The following TUSC3 variants were observed in gnomAD, a reference collection of about 807,000 sequenced individuals.
The protein encoded by TUSC3 is dolichyl-diphosphooligosaccharide--protein glycosyltransferase subunit TUSC3.
Under a neutral mutation model 44.8 loss-of-function variants are expected in TUSC3, and 45 were observed. The ratio of observed to expected loss-of-function variants is 1.00; its 90% CI spans 0.79 to 1.29. The LOEUF (loss-of-function observed/expected upper bound fraction) is 1.29. Ranked by LOEUF, TUSC3 falls within the 50% of genes most tolerant of loss-of-function variation. TUSC3 has a pLI of 0.00. For synonymous variants in TUSC3, 212 were observed against 152.9 expected (o/e 1.39, Z -2.85); for missense variants, 519 against 437.9 (o/e 1.19, Z -1.65).
the TUSC3 span, among the ~76,000 whole-genome samples, chr8:15,819,497 T>G: frequency 6.6e-6 from 1 of 152,196 alleles, no homozygotes; most frequent in African/African-American, 2.4e-5. Context: ...GTTTCAGACC[T>G]CATTTTTAAC....
chr8:15,461,629 C>T (rs922694986), intron 1 of TUSC3, among the ~76,000 whole-genome samples: 3 of 151,812 alleles, frequency 2.0e-5, no homozygotes, highest in Non-Finnish European at 4.4e-5. Context: ...AGAGGGAATA[C>T]GTTCTACTTT....
chr8:15,676,538 G>C (rs1242606962), intron 6 of TUSC3, among the ~76,000 whole-genome samples: 8 of 152,064 alleles, frequency 5.3e-5, no homozygotes, highest in African/African-American at 1.9e-4. Flanking sequence ...ATCCATAAAT[G>C]CTTTGCCAAG....
chr8:15,645,766 G>A (rs1045385475), intron 2 of TUSC3, among the ~76,000 whole-genome samples: 1 of 152,012 alleles, frequency 6.6e-6, no homozygotes, highest in African/African-American at 2.4e-5. Flanking sequence ...TTGACAAACA[G>A]CATATGTTTG....
chr8:15,695,382 C>G (rs1434096239), intron 6 of TUSC3, among the ~76,000 whole-genome samples: 1 of 152,206 alleles, frequency 6.6e-6, no homozygotes, highest in Non-Finnish European at 1.5e-5. Flanking sequence ...CCATGTAAAA[C>G]ATGACTTGTT....
chr8:15,495,617 C>G (rs567256374), intron 2 of TUSC3, among the ~76,000 whole-genome samples: 3 of 152,240 alleles, frequency 2.0e-5, no homozygotes, highest in African/African-American at 7.2e-5. Flanking sequence ...ATGCACAATT[C>G]TACCCAAGAA....
chr8:15,840,298 G>A, the TUSC3 span, among the ~76,000 whole-genome samples: 1 of 152,084 alleles, frequency 6.6e-6, no homozygotes, highest in East Asian at 1.9e-4. Context: ...AATGGGTGCA[G>A]CACACCAACA....
chr8:15,565,649 T>G (rs923291321), intron 1 of TUSC3, among the ~76,000 whole-genome samples: 2 of 152,180 alleles, frequency 1.3e-5, no homozygotes, highest in Non-Finnish European at 2.9e-5. Flanking sequence ...TCCCCAGTGG[T>G]GTTTTAAGCT....
At chr8:15,480,020 A>G (rs1800637134) in intron 1 of TUSC3, among the ~76,000 whole-genome samples, 1 of 152,190 alleles carries the variant, frequency 6.6e-6, no homozygotes, top group Admixed American at 6.5e-5. Flanking sequence ...ACAAGCAGAG[A>G]GCCAAATCAT....
chr8:15,611,298 T>C (rs1252620827), intron 1 of TUSC3, among the ~76,000 whole-genome samples: 3 of 152,100 alleles, frequency 2.0e-5, no homozygotes, highest in African/African-American at 4.8e-5. Flanking sequence ...ACGATTCTCC[T>C]GCCTCAGCCT....
chr8:15,595,152 G>C (rs1804010833), intron 1 of TUSC3, among the ~76,000 whole-genome samples: 1 of 152,134 alleles, frequency 6.6e-6, no homozygotes, highest in Admixed American at 6.5e-5. Flanking sequence ...AATACGGAAA[G>C]CTGGGCTCTT....
intron 9 of TUSC3, among the ~76,000 whole-genome samples, chr8:15,755,523 C>T (rs899607611): frequency 6.6e-6 from 1 of 151,948 alleles, no homozygotes; most frequent in Non-Finnish European, 1.5e-5. Flanking sequence ...CTTAGTTGGG[C>T]TCCTGGGTCT....
In TUSC3 at chr8:15,766,545, C is replaced by G. The variant is rs147941065; in HGVS notation, c.*2389C>G. On this transcript the variant is annotated 3_prime_UTR_variant, in exon 11 of 11. Transcript: ENST00000503731. ...AAAAATCCCAATTATAAAATTCCAC[C>G]TAAAGGAGTTTCATTTTGTAATAAC... 2 of 152,014 alleles carry G rather than the reference C, an allele frequency of 1.3e-5. No homozygotes were observed. The highest frequency in any genetic ancestry group is 3.9e-4 in the East Asian group (2 of 5,190). The allele number at this position is 152,014 out of a possible 1,614,324, so 9.4% of individuals were successfully genotyped here.
At chr8:15,658,683 A>T (rs986528912) in intron 3 of TUSC3, among the ~76,000 whole-genome samples, 1 of 151,484 alleles carries the variant, frequency 6.6e-6, no homozygotes, top group Admixed American at 6.6e-5. Context: ...ATACACATAC[A>T]ATATATATAC....
At chr8:15,795,987 C>G in the TUSC3 span, among the ~76,000 whole-genome samples, 1 of 152,296 alleles carries the variant, frequency 6.6e-6, no homozygotes. Context: ...CACCACCTGA[C>G]TGCTTAGTGT....
At chr8:15,791,968 T>A in the TUSC3 span, among the ~76,000 whole-genome samples, 1 of 152,134 alleles carries the variant, frequency 6.6e-6, no homozygotes, top group East Asian at 1.9e-4. Context: ...TCTTAGTATT[T>A]AAAGGAGCGT....
chr8:15,674,064 AT>A (rs1239045941), intron 6 of TUSC3, among the ~76,000 whole-genome samples: 2 of 152,046 alleles, frequency 1.3e-5, no homozygotes, highest in Non-Finnish European at 2.9e-5. Flanking sequence ...TAAAAAATTA[AT>A]ATCTACCATA....
chr8:15,544,122 A>T (rs1801782346), intron 1 of TUSC3, among the ~76,000 whole-genome samples: 1 of 152,154 alleles, frequency 6.6e-6, no homozygotes, highest in African/African-American at 2.4e-5. Context: ...TAGTCATTAA[A>T]AACTGATTTT....
the TUSC3 span, among the ~76,000 whole-genome samples, chr8:15,788,935 T>TA: frequency 1.3e-5 from 2 of 152,162 alleles, no homozygotes; most frequent in Non-Finnish European, 2.9e-5. Context: ...TGGCAGGTGT[T>TA]AGATTATTAG....
intron 2 of TUSC3, among the ~76,000 whole-genome samples, chr8:15,637,728 T>C (rs948251429): frequency 1.3e-5 from 2 of 152,162 alleles, no homozygotes; most frequent in Non-Finnish European, 1.5e-5. Context: ...GGCTAGACTT[T>C]TGAGTGGCCT....
Sources: gnomAD v4.1 joint callset for allele counts (sites outside exome capture counted in the v4.1 genomes callset) on GRCh38, gnomAD v4.1.1 for gene constraint, MANE v1.5 for transcripts, NCBI Gene and HGNC (gene_info 2026-07-23, HGNC 2026-07-21) for gene names.